The following HCN1 variants were observed in gnomAD, a reference collection of about 807,000 sequenced individuals.
HCN1 encodes the protein hyperpolarization activated cyclic nucleotide gated potassium channel 1, also known as potassium/sodium hyperpolarization-activated cyclic nucleotide-gated channel 1.
Under a neutral mutation model 78.9 loss-of-function variants are expected in HCN1, and 13 were observed. The ratio of observed to expected loss-of-function variants is 0.16; its 90% confidence interval spans 0.11 to 0.26. The LOEUF (loss-of-function observed/expected upper bound fraction) is 0.26, where lower values mean the gene tolerates loss of function less well. Ranked by LOEUF, HCN1 falls within the 10% of genes least tolerant of loss-of-function variation. The pLI is 1.00. For missense variants in HCN1, 810 were observed against 1,154.3 expected, an observed-to-expected ratio of 0.70 and a Z score of 4.32; for synonymous variants, 552 against 455.5, an observed-to-expected ratio of 1.21 and a Z score of -2.70.
rs571807846 is a variant in HCN1, at chr5:45,695,597, C to T, written c.425+72G>A. On this transcript the variant is annotated intron_variant, in intron 1 of 7. Coordinates refer to ENST00000303230, the MANE Select transcript of HCN1 (RefSeq NM_021072.4). ...CCCTCCTAGTCCCCGGGACGCCCCC[C>T]ACCCAAGGGCGGGGAAGCGCGTTTC... 5 of 1,490,472 alleles carry T rather than the reference C, an allele frequency of 3.4e-6. No individual in the cohort carries two copies. In the South Asian group the frequency reaches 4.7e-5, roughly 14 times the overall value. 92.3% of individuals were successfully genotyped at this position (1,490,472 alleles called of 1,614,324 possible). A position where few individuals can be genotyped will look rare whatever the true frequency, so the allele number is the denominator to read the frequency against.
chr5:45,617,286 C>T (rs1162052889), intron 2 of HCN1: 1 of 152,022 alleles, frequency 6.6e-6, no homozygotes. Context: ...CAACTAAACA[C>T]TAGTATCTCA....
intron 2 of HCN1, among the ~76,000 whole-genome samples, chr5:45,486,640 A>G (rs1377833107): frequency 6.6e-6 from 1 of 152,134 alleles, no homozygotes; most frequent in Admixed American, 6.6e-5. Context: ...AATAGAATTA[A>G]TAGCAAAGCT....
chr5:45,449,511 C>T (rs561129118), intron 3 of HCN1, among the ~76,000 whole-genome samples: 2 of 152,284 alleles, frequency 1.3e-5, no homozygotes, highest in East Asian at 3.9e-4. Flanking sequence ...GATGTCCCAT[C>T]TCTTTTCCAG....
intron 4 of HCN1, among the ~76,000 whole-genome samples, chr5:45,376,912 G>T (rs1052691320): frequency 6.6e-6 from 1 of 151,920 alleles, no homozygotes; most frequent in East Asian, 1.9e-4. Flanking sequence ...TGTTCAGCCA[G>T]GTCTGAGAAC....
intron 6 of HCN1, among the ~76,000 whole-genome samples, chr5:45,267,971 C>T (rs745626318): frequency 2.6e-5 from 4 of 152,092 alleles, no homozygotes; most frequent in Admixed American, 2.6e-4. Flanking sequence ...ATTAGAAAGA[C>T]GATTTTATGA....
At chr5:45,266,928 C>T (rs1220579009) in intron 7 of HCN1, among the ~76,000 whole-genome samples, 161 bp downstream of exon 7, 1 of 152,028 alleles carries the variant, frequency 6.6e-6, no homozygotes. Flanking sequence ...AGGCTGGTCT[C>T]GAACTCCTGA....
At chr5:45,440,012 TA>T (rs1740640734) in intron 3 of HCN1, among the ~76,000 whole-genome samples, 1 of 148,474 alleles carries the variant, frequency 6.7e-6, no homozygotes, top group South Asian at 2.1e-4. Context: ...TATAATGTAT[TA>T]TATAGTATCA....
intron 2 of HCN1, among the ~76,000 whole-genome samples, chr5:45,478,225 G>A (rs994817728): frequency 1.1e-4 from 17 of 152,012 alleles, no homozygotes; most frequent in Admixed American, 1.1e-3. Context: ...ACTCAGAACT[G>A]TGGCCAAATA....
intron 5 of HCN1, among the ~76,000 whole-genome samples, chr5:45,312,917 C>T (rs1213221334): frequency 6.6e-6 from 1 of 152,186 alleles, no homozygotes; most frequent in Non-Finnish European, 1.5e-5. Flanking sequence ...GCCTGCCTGC[C>T]TCTGTAGACT....
rs1744657739 is a variant in HCN1 at position 45,258,096 on chromosome 5, CATT to C, written c.*3822_*3824del. 6.6e-6 allele frequency: 1 copy of C among 151,960 alleles called. No individual in the cohort carries two copies. Among genetic ancestry groups the C allele is most frequent in the Non-Finnish European group, 1.5e-5 (1 of 68,002 alleles). The allele number at this position is 151,960 out of a possible 1,614,324, so 9.4% of individuals were successfully genotyped here. A position where few individuals can be genotyped will look rare whatever the true frequency, so the allele number is the denominator to read the frequency against. ...GAGATATCTCATTCAAACAGGTTAA[CATT>C]ATAAACAGTGCAAGTGAGGGCCATA... On this transcript the variant is annotated 3_prime_UTR_variant, in exon 8 of 8. Coordinates refer to ENST00000303230, the MANE Select transcript of HCN1 (RefSeq NM_021072.4).
chr5:45,278,312 A>G (rs1202302294), intron 6 of HCN1, among the ~76,000 whole-genome samples: 1 of 152,086 alleles, frequency 6.6e-6, no homozygotes, highest in East Asian at 1.9e-4. Flanking sequence ...CTAATATCCT[A>G]CCTATAAAGT....
At chr5:45,587,142 A>G (rs560953405) in intron 2 of HCN1, among the ~76,000 whole-genome samples, 1 of 152,308 alleles carries the variant, frequency 6.6e-6, no homozygotes, top group African/African-American at 2.4e-5. Context: ...ACAGTGTGGC[A>G]ATTCCTCAAG....
intron 1 of HCN1, among the ~76,000 whole-genome samples, chr5:45,664,632 G>A (rs1745996448): frequency 1.3e-5 from 2 of 151,894 alleles, no homozygotes; most frequent in African/African-American, 4.8e-5. Flanking sequence ...TCAAATAGTG[G>A]GCAAAGGACA....
intron 2 of HCN1, among the ~76,000 whole-genome samples, chr5:45,586,425 C>A (rs1275493745): frequency 1.3e-5 from 2 of 152,100 alleles, no homozygotes; most frequent in Non-Finnish European, 2.9e-5. Context: ...CATCTGTTAC[C>A]CCTTTCTGTG....
intron 2 of HCN1, among the ~76,000 whole-genome samples, chr5:45,542,945 G>A (rs181231219): frequency 6.6e-6 from 1 of 152,194 alleles, no homozygotes; most frequent in Admixed American, 6.6e-5. Flanking sequence ...AAGATACAGA[G>A]GTATGCAACC....
intron 1 of HCN1, among the ~76,000 whole-genome samples, chr5:45,659,175 C>T (rs1291506888): frequency 5.3e-5 from 8 of 149,644 alleles, no homozygotes; most frequent in Non-Finnish European, 1.2e-4. Context: ...AACTGGGAGG[C>T]ACCCCCCAGC....
At chr5:45,603,715 C>T (rs1010718788) in intron 2 of HCN1, among the ~76,000 whole-genome samples, 4 of 151,934 alleles carry the variant, frequency 2.6e-5, no homozygotes. Flanking sequence ...GTGTCATGCC[C>T]AACAGAATAG....
At chr5:45,362,020 G>C (rs1747120529) in intron 4 of HCN1, among the ~76,000 whole-genome samples, 1 of 152,016 alleles carries the variant, frequency 6.6e-6, no homozygotes, top group African/African-American at 2.4e-5. Flanking sequence ...TTAGATGATT[G>C]GTAGAAGTAG....
At chr5:45,337,733 A>G (rs1489376758) in intron 5 of HCN1, among the ~76,000 whole-genome samples, 2 of 152,124 alleles carry the variant, frequency 1.3e-5, no homozygotes, top group African/African-American at 4.8e-5. Flanking sequence ...GCATACAACA[A>G]AAACACTGAT....
Sources: allele counts gnomAD v4.1 joint callset (sites outside exome capture counted in the v4.1 genomes callset), GRCh38; gene constraint gnomAD v4.1.1; transcripts MANE v1.5; gene names NCBI Gene and HGNC (gene_info 2026-07-23, HGNC 2026-07-21).